The following MND1 variants were observed in gnomAD, a reference collection of about 807,000 sequenced individuals.
MND1 encodes meiotic nuclear division protein 1 homolog.
A neutral mutation model predicts 35.1 loss-of-function variants in MND1; 28 were observed. The ratio of observed to expected loss-of-function variants is 0.80; its 90% confidence interval spans 0.59 to 1.09. The LOEUF (loss-of-function observed/expected upper bound fraction) is 1.09, where lower values mean the gene tolerates loss of function less well. Ranked by LOEUF, MND1 falls within the 50% of genes least tolerant of loss-of-function variation. MND1 has a pLI of 0.00. For missense variants in MND1, 213 were observed against 239.6 expected (o/e 0.89, Z 0.73); for synonymous variants, 69 against 70.5 (o/e 0.98, Z 0.11).
At chr4:153,409,730 T>C (rs1182031982) in intron 7 of MND1, among the ~76,000 whole-genome samples, 5 of 152,140 alleles carry the variant, frequency 3.3e-5, no homozygotes, top group African/African-American at 4.8e-5. Flanking sequence ...TAGAATTAAA[T>C]AGACTGGTAA....
intron 4 of MND1, among the ~76,000 whole-genome samples, chr4:153,365,101 CAAA>C (rs5863041): frequency 6.5e-5 from 9 of 138,228 alleles, no homozygotes; most frequent in East Asian, 2.1e-4. Context: ...TTGTTGCCAC[CAAA>C]AAAAAAAAAA....
At chr4:153,353,077 T>G (rs1257511334) in intron 2 of MND1, among the ~76,000 whole-genome samples, 1 of 152,128 alleles carries the variant, frequency 6.6e-6, no homozygotes, top group Non-Finnish European at 1.5e-5. Flanking sequence ...GAATTTAAAG[T>G]ATTTGCAAAG....
At chr4:153,344,799 C>A (rs1773030451) in intron 1 of MND1, 59 bp downstream of exon 1, 2 of 1,583,548 alleles carry the variant, frequency 1.3e-6, no homozygotes, top group South Asian at 1.2e-5. Flanking sequence ...GGCTTCGCCG[C>A]CCCTCGGCTG....
intron 2 of MND1, among the ~76,000 whole-genome samples, chr4:153,355,211 C>A (rs971261644): frequency 2.0e-5 from 3 of 151,980 alleles, no homozygotes; most frequent in African/African-American, 7.3e-5. Context: ...ATGCAAAAAT[C>A]TCTTAAGTTC....
At chr4:153,353,012 TC>T (rs1411332101) in intron 2 of MND1, among the ~76,000 whole-genome samples, 3 of 152,142 alleles carry the variant, frequency 2.0e-5, no homozygotes, top group African/African-American at 7.2e-5. Context: ...CTGGAGCTCT[TC>T]CTTGGTGCCT....
chr4:153,344,741 G>A lies in MND1; in HGVS notation c.3+1G>A, dbSNP rs758165306. ...CGGAAGCCCCTGCGCCCGCGCCATG[G>A]TAAGGACTGAGGCTACGGTCCCGCG... On this transcript the variant is annotated splice_donor_variant, in intron 1 of 7. Transcript: ENST00000240488. LOFTEE classifies it high-confidence loss of function. 1.0e-5 allele frequency: 16 copies of A among 1,600,154 alleles called. No homozygotes were observed. The highest frequency in any genetic ancestry group is 1.4e-5 in the Non-Finnish European group (16 of 1,174,616).
At chr4:153,393,924 CTTTTTTTTTTTT>C (rs36028750) in intron 4 of MND1, among the ~76,000 whole-genome samples, 1 of 56,464 alleles carries the variant, frequency 1.8e-5, no homozygotes, top group Non-Finnish European at 3.1e-5. Context: ...ACTTTGTTTT[CTTTTTTTTTTTT>C]TTTTTTTTTT....
rs116091271 is a variant in MND1, at chr4:153,370,611, C to T, written c.276+11989C>T. On this transcript the variant is annotated intron_variant, in intron 4 of 7. Coordinates refer to ENST00000240488, the MANE Select transcript of MND1 (RefSeq NM_032117.4). ...CCTAGCTCACTGCAACCTCCGCCTC[C>T]CGGGTTCAGGTGATTCTCTGGTCTC... Among the ~76,000 whole-genome samples the T allele has an allele frequency of 3.1e-3, 471 of 152,204 alleles. 2 individuals are homozygous for T. Among genetic ancestry groups the T allele is most frequent in the Non-Finnish European group, 5.0e-3 (341 of 68,024 alleles).
chr4:153,391,191 T>TA (rs1175437508), intron 4 of MND1, among the ~76,000 whole-genome samples: 3 of 151,898 alleles, frequency 2.0e-5, no homozygotes, highest in African/African-American at 7.3e-5. Flanking sequence ...TGAGATAGAG[T>TA]ATCACCCTGT....
intron 3 of MND1, among the ~76,000 whole-genome samples, chr4:153,356,486 G>A (rs1773343417): frequency 7.2e-6 from 1 of 139,566 alleles, no homozygotes; most frequent in East Asian, 2.3e-4. Context: ...CCAGGAGGCA[G>A]AGCTTGCAGT....
intron 1 of MND1, among the ~76,000 whole-genome samples, chr4:153,348,207 G>T (rs1773118726): frequency 6.6e-6 from 1 of 152,166 alleles, no homozygotes; most frequent in Non-Finnish European, 1.5e-5. Context: ...TGATTGGTTG[G>T]ATGTGAGATA....
chr4:153,413,545 G>T (rs564911480), intron 7 of MND1, among the ~76,000 whole-genome samples: 1 of 152,136 alleles, frequency 6.6e-6, no homozygotes, highest in South Asian at 2.1e-4. Flanking sequence ...GGGTATGGTG[G>T]TGCACGCCTG....
chr4:153,349,094 CTTTTT>C (rs56180318), intron 1 of MND1, among the ~76,000 whole-genome samples: 1 of 137,556 alleles, frequency 7.3e-6, no homozygotes, highest in Admixed American at 7.2e-5. Flanking sequence ...AGTTCTCACT[CTTTTT>C]TTTTTTTTTT....
intron 4 of MND1, among the ~76,000 whole-genome samples, chr4:153,383,839 A>G (rs751392147): frequency 1.3e-5 from 2 of 152,152 alleles, no homozygotes; most frequent in Non-Finnish European, 1.5e-5. Context: ...CTTGTTTTTT[A>G]TTTTTAGCTA....
intron 4 of MND1, among the ~76,000 whole-genome samples, chr4:153,370,452 G>A: frequency 6.6e-6 from 1 of 151,926 alleles, no homozygotes; most frequent in East Asian, 1.9e-4. Context: ...ATGGGGGCTG[G>A]AATCAACTTC....
intron 7 of MND1, among the ~76,000 whole-genome samples, chr4:153,411,083 C>G (rs1406978597): frequency 6.6e-6 from 1 of 152,196 alleles, no homozygotes; most frequent in Non-Finnish European, 1.5e-5. Context: ...GAGATTACCT[C>G]AGAGTCTAAG....
chr4:153,352,956 A>G lies in MND1; in HGVS notation c.70-2698A>G, dbSNP rs182597770. The stretch of plus-strand genomic sequence containing the variant: ...TTGAGTTCTGAGGCTACTTCTTTCC[A>G]AGCCTGTTTATTTATGCAGCAGCCC... On this transcript the variant is annotated intron_variant, in intron 2 of 7. Transcript: ENST00000240488. 2.0e-5 allele frequency among the ~76,000 whole-genome samples: 3 copies of G among 152,114 alleles called. No individual in the cohort carries two copies. In the East Asian group the frequency reaches 5.8e-4, roughly 30 times the overall value.
chr4:153,408,912 G>GTATA (rs10552163), intron 6 of MND1, 59 bp from the exon 7 acceptor site: 3,208 of 316,988 alleles, frequency 0.01, 2 homozygotes, highest in African/African-American at 0.018. Context: ...CATTTTGTGT[G>GTATA]TATATATATA....
intron 4 of MND1, among the ~76,000 whole-genome samples, chr4:153,377,750 T>C (rs572612139): frequency 2.0e-5 from 3 of 152,340 alleles, no homozygotes; most frequent in African/African-American, 7.2e-5. Context: ...AGCGCAGTGA[T>C]TTAAGGGAGT....
Sources: gnomAD v4.1 joint callset for allele counts (sites outside exome capture counted in the v4.1 genomes callset) on GRCh38, gnomAD v4.1.1 for gene constraint, MANE v1.5 for transcripts, NCBI Gene and HGNC (gene_info 2026-07-23, HGNC 2026-07-21) for gene names.